Variants in DPP10 observed in about 807,000 individuals in gnomAD.
DPP10 encodes inactive dipeptidyl peptidase 10.
A neutral mutation model predicts 120.9 loss-of-function variants in DPP10; 33 were observed. The ratio of observed to expected loss-of-function variants is 0.27; its 90% CI spans 0.21 to 0.37. DPP10 has a LOEUF of 0.37. Ranked by LOEUF, DPP10 falls within the 10% of genes least tolerant of loss-of-function variation. The pLI, the probability that DPP10 is intolerant of heterozygous loss-of-function variation, is 1.00. For missense variants in DPP10, 816 were observed against 942.8 expected, an observed-to-expected ratio of 0.87 and a Z score of 1.76; for synonymous variants, 337 against 326.1, an observed-to-expected ratio of 1.03 and a Z score of -0.36.
chr2:115,188,660 T>C (rs984579781), intron 1 of DPP10, among the ~76,000 whole-genome samples: 1 of 152,290 alleles, frequency 6.6e-6, no homozygotes, highest in Admixed American at 6.5e-5. Flanking sequence ...CACCTTGAGA[T>C]TGGCAAAATC....
chr2:115,167,531 T>G (rs1162539581), intron 1 of DPP10, among the ~76,000 whole-genome samples: 1 of 144,980 alleles, frequency 6.9e-6, no homozygotes, highest in East Asian at 2.1e-4. Flanking sequence ...TGCTTGAACC[T>G]GGGAGGTCAA....
intron 21 of DPP10, among the ~76,000 whole-genome samples, chr2:115,825,157 T>C (rs1688183451): frequency 6.6e-6 from 1 of 152,236 alleles, no homozygotes; most frequent in Admixed American, 6.5e-5. Context: ...TTCTGCAATA[T>C]AGTTTAACTG....
chr2:114,617,577 G>A (rs958081554), intron 1 of DPP10, among the ~76,000 whole-genome samples: 1 of 152,028 alleles, frequency 6.6e-6, no homozygotes, highest in African/African-American at 2.4e-5. Flanking sequence ...ATGTCACTCT[G>A]TGTGCAATCT....
At chr2:114,883,591 C>A (rs192811784) in intron 1 of DPP10, among the ~76,000 whole-genome samples, 1 of 152,020 alleles carries the variant, frequency 6.6e-6, no homozygotes, top group Non-Finnish European at 1.5e-5. Context: ...AGTAAAATCC[C>A]GACTTATTCA....
chr2:115,379,644 C>A (rs369109944), intron 3 of DPP10, among the ~76,000 whole-genome samples: 2 of 151,966 alleles, frequency 1.3e-5, no homozygotes, highest in South Asian at 4.1e-4. Context: ...ATTGTGATGT[C>A]AGGGTGTCAA....
chr2:114,470,571 C>A (rs1440802854), intron 1 of DPP10, among the ~76,000 whole-genome samples: 1 of 152,044 alleles, frequency 6.6e-6, no homozygotes, highest in Non-Finnish European at 1.5e-5. Flanking sequence ...GGGGTAATAT[C>A]GACAATCTCA....
At chr2:115,244,239 TAGAGAGAG>T (rs67598156) in intron 1 of DPP10, among the ~76,000 whole-genome samples, 2,095 of 93,336 alleles carry the variant, frequency 0.022, 50 homozygotes, top group African/African-American at 0.057. Flanking sequence ...TATATATATA[TAGAGAGAG>T]AGAGAGAGAG....
intron 1 of DPP10, among the ~76,000 whole-genome samples, chr2:115,278,046 T>G (rs534754710): frequency 6.6e-6 from 1 of 152,170 alleles, no homozygotes; most frequent in South Asian, 2.1e-4. Flanking sequence ...GGCCATAGTT[T>G]GGGAGACAGA....
At chr2:115,827,869 T>C (rs1688536999) in intron 21 of DPP10, among the ~76,000 whole-genome samples, 1 of 57,418 alleles carries the variant, frequency 1.7e-5, no homozygotes, top group South Asian at 7.0e-4. Flanking sequence ...AGTGCTGGGA[T>C]TACAGGCATG....
chr2:114,594,504 T>C (rs1050668217), intron 1 of DPP10, among the ~76,000 whole-genome samples: 1 of 147,826 alleles, frequency 6.8e-6, no homozygotes, highest in African/African-American at 2.5e-5. Context: ...ATATATATTA[T>C]ATATACACAC....
At chr2:115,476,552 A>G (rs1037807685) in intron 3 of DPP10, among the ~76,000 whole-genome samples, 1 of 152,184 alleles carries the variant, frequency 6.6e-6, no homozygotes, top group Non-Finnish European at 1.5e-5. Flanking sequence ...AGTTAGGGGT[A>G]AGATGCCACA....
chr2:114,597,124 C>T (rs185534981), intron 1 of DPP10, among the ~76,000 whole-genome samples: 3 of 152,064 alleles, frequency 2.0e-5, no homozygotes, highest in African/African-American at 7.2e-5. Flanking sequence ...TCAGGATGCT[C>T]ACTGGTGGCC....
chr2:115,667,246 A>T (rs1169888540), intron 5 of DPP10, among the ~76,000 whole-genome samples: 1 of 152,020 alleles, frequency 6.6e-6, no homozygotes, highest in Admixed American at 6.6e-5. Flanking sequence ...TAGATTCTGG[A>T]TATTAGAACT....
At position 115,727,212 on chromosome 2, in the gene DPP10, A is replaced by T. The variant is rs1051286645; in HGVS notation, c.577-604A>T. ...ACTCTCTCTGGAACTCTCAGTTATA[A>T]GGTTATTATTATTGCCGTACTATTT... is the stretch of plus-strand genomic sequence containing the variant. On this transcript the variant is annotated intron_variant, in intron 7 of 25. Coordinates refer to ENST00000410059, the MANE Select transcript of DPP10 (RefSeq NM_020868.6). Among the ~76,000 whole-genome samples, 13 of 152,098 alleles carry T rather than the reference A, an allele frequency of 8.5e-5. No individual in the cohort carries two copies. The South Asian group carries it at 1.2e-3, about 15-fold the overall frequency.
chr2:115,103,951 C>G (rs1180642980), intron 1 of DPP10, among the ~76,000 whole-genome samples: 2 of 152,116 alleles, frequency 1.3e-5, no homozygotes, highest in African/African-American at 4.8e-5. Flanking sequence ...AATGAGATAT[C>G]TTTGGAATAG....
chr2:115,442,092 A>T (rs935753390), intron 3 of DPP10, among the ~76,000 whole-genome samples: 1 of 151,882 alleles, frequency 6.6e-6, no homozygotes, highest in Non-Finnish European at 1.5e-5. Flanking sequence ...GATTACAGAC[A>T]TGAGCCACTG....
At chr2:114,869,052 A>G (rs1298985308) in intron 1 of DPP10, among the ~76,000 whole-genome samples, 1 of 152,176 alleles carries the variant, frequency 6.6e-6, no homozygotes, top group Admixed American at 6.6e-5. Context: ...GAAAGTTGCT[A>G]TTTATTGGAT....
intron 1 of DPP10, among the ~76,000 whole-genome samples, chr2:115,060,319 G>C (rs1706301316): frequency 6.6e-6 from 1 of 151,976 alleles, no homozygotes; most frequent in Admixed American, 6.6e-5. Flanking sequence ...AAGCCCGTGG[G>C]CTGTGACTTA....
chr2:114,976,647 C>T (rs1160061003), intron 1 of DPP10, among the ~76,000 whole-genome samples: 1 of 152,172 alleles, frequency 6.6e-6, no homozygotes, highest in East Asian at 1.9e-4. Context: ...AAACAGCATA[C>T]TTTTTCCCCC....
Sources: gnomAD v4.1 joint callset for allele counts (sites outside exome capture counted in the v4.1 genomes callset) on GRCh38, gnomAD v4.1.1 for gene constraint, MANE v1.5 for transcripts, NCBI Gene and HGNC (gene_info 2026-07-23, HGNC 2026-07-21) for gene names.